The following LPIN2 variants were observed in gnomAD, a reference collection of about 807,000 sequenced individuals.
The protein encoded by LPIN2 is phosphatidate phosphatase LPIN2.
Under a neutral mutation model 111.4 loss-of-function variants are expected in LPIN2, and 55 were observed. That is an observed-to-expected ratio of 0.49 (90% confidence interval 0.40 to 0.62). The LOEUF is 0.62. Among genes scored for constraint, LPIN2 ranks in the 20% least tolerant of loss-of-function variants. The probability of loss-of-function intolerance (pLI) is 0.00; values close to 1 mark genes in which losing one functional copy is unlikely to be tolerated. For synonymous variants in LPIN2, 425 were observed against 414.0 expected (o/e 1.03, Z -0.32); for missense variants, 992 against 1,112.1 (o/e 0.89, Z 1.54).
chr18:2,969,436 G>C (rs1489266755), intron 1 of LPIN2, among the ~76,000 whole-genome samples: 1 of 152,154 alleles, frequency 6.6e-6, no homozygotes, highest in Non-Finnish European at 1.5e-5. Context: ...TGCTTTGGAG[G>C]ATCTGAGGTT....
intron 8 of LPIN2, among the ~76,000 whole-genome samples, chr18:2,934,142 A>C (rs1407087409): frequency 1.3e-5 from 2 of 152,232 alleles, no homozygotes; most frequent in Admixed American, 1.3e-4. Context: ...CATTGTATTG[A>C]AAATGTCTTC....
chr18:3,010,451 C>T (rs189240909), intron 1 of LPIN2, among the ~76,000 whole-genome samples: 14 of 152,120 alleles, frequency 9.2e-5, no homozygotes, highest in South Asian at 4.1e-4. Flanking sequence ...TGGTAGGTCA[C>T]GAGACTCTGG....
intron 9 of LPIN2, among the ~76,000 whole-genome samples, 192 bp from the exon 10 acceptor site, chr18:2,929,350 T>G (rs1420651730): frequency 6.6e-6 from 1 of 152,210 alleles, no homozygotes; most frequent in Non-Finnish European, 1.5e-5. Context: ...TTCTTTTCTA[T>G]TCTCCTTTTC....
rs112666021 is a variant in LPIN2, at chr18:2,980,800, TC to T, written c.-9-19952del. 4.4e-3 allele frequency among the ~76,000 whole-genome samples: 661 copies of T among 150,772 alleles called. 5 individuals are homozygous for T. The highest frequency in any genetic ancestry group is 0.016 in the African/African-American group (636 of 41,008). ...AAGAATGGTCAGGTGACCTCTAGAG[TC>T]CCCCCCCAGCTCTAAACTGCAGAAA... On this transcript the variant is annotated intron_variant, in intron 1 of 19. Coordinates refer to ENST00000677752, the MANE Select transcript of LPIN2 (RefSeq NM_001375808.2).
chr18:2,921,620 C>G lies in LPIN2; in HGVS notation c.2355G>C (p.Lys785Asn). The change falls in exon 18 of 20, where the codon AAG (lysine) becomes AAC (asparagine). Residue 785 changes from lysine (K) to asparagine (N), a missense_variant. Physicochemically the swap from Lys to Asn is moderately conservative, Grantham distance 94. This residue lies in a region of LPIN2 where 185 missense variants were observed against 186.5 expected (regional missense o/e 0.99). Transcript: ENST00000677752. Reference sequence around the variant, plus strand: ...TATCATTTAGACACTCAATTTTGAACTTCTCTGGTTTCTTTTCTATCACTT... The same window carrying G: ...TATCATTTAGACACTCAATTTTGAAGTTCTCTGGTTTCTTTTCTATCACTT... ...HREVIEKKPE[K>N]FKIECLNDIK... The G allele has an allele frequency of 6.2e-7, 1 of 1,613,282 alleles. No homozygotes were observed. The highest frequency in any genetic ancestry group is 1.1e-5 in the South Asian group (1 of 91,050).
chr18:3,010,804 C>G (rs1276256931), intron 1 of LPIN2, among the ~76,000 whole-genome samples: 1 of 152,074 alleles, frequency 6.6e-6, no homozygotes, highest in Non-Finnish European at 1.5e-5. Context: ...AATAAGTACC[C>G]AAGGCATAGA....
intron 8 of LPIN2, among the ~76,000 whole-genome samples, chr18:2,932,586 T>G (rs1271260287): frequency 6.6e-6 from 1 of 152,144 alleles, no homozygotes; most frequent in Non-Finnish European, 1.5e-5. Flanking sequence ...ATACTGGGAG[T>G]GAGGGGCAAG....
intron 4 of LPIN2, among the ~76,000 whole-genome samples, chr18:2,941,130 A>C (rs945228237): frequency 6.6e-6 from 1 of 152,202 alleles, no homozygotes; most frequent in African/African-American, 2.4e-5. Flanking sequence ...TTGGATTCAA[A>C]ACAAGTAAGC....
chr18:2,949,166 A>C (rs980630025), intron 4 of LPIN2, among the ~76,000 whole-genome samples: 5 of 152,198 alleles, frequency 3.3e-5, no homozygotes, highest in Non-Finnish European at 7.3e-5. Context: ...CTCATACTTT[A>C]TTCTCCTAGT....
At chr18:2,984,535 A>C (rs1267047751) in intron 1 of LPIN2, among the ~76,000 whole-genome samples, 1 of 152,126 alleles carries the variant, frequency 6.6e-6, no homozygotes, top group Non-Finnish European at 1.5e-5. Flanking sequence ...GTCAGCAAGA[A>C]GGGGAGGCTA....
intron 1 of LPIN2, among the ~76,000 whole-genome samples, chr18:2,973,306 GATCA>G (rs1225979039): frequency 6.6e-6 from 1 of 152,130 alleles, no homozygotes; most frequent in Non-Finnish European, 1.5e-5. Context: ...TCAAGATACA[GATCA>G]ATCAGACTGC....
chr18:2,920,733 C>T (rs754176593), intron 19 of LPIN2, 45 bp downstream of exon 19: 2 of 1,439,716 alleles, frequency 1.4e-6, no homozygotes, highest in East Asian at 2.3e-5. Flanking sequence ...CCCAACTGTA[C>T]CCCTGGCTGC....
intron 18 of LPIN2, 34 bp from the exon 19 acceptor site, chr18:2,920,915 G>A (rs373849042): frequency 6.3e-6 from 9 of 1,435,458 alleles, no homozygotes; most frequent in Non-Finnish European, 6.9e-6. Flanking sequence ...GTGATTCCAG[G>A]GAGGAGAATT....
Position 2,945,890 on chromosome 18 carries a change from C to A in LPIN2, c.590+5165G>T, listed in dbSNP as rs952792657. The A allele has an allele frequency of 2.8e-6, 4 of 1,432,228 alleles. No homozygotes were observed. In the African/African-American group the frequency reaches 5.7e-5, roughly 20 times the overall value. 88.7% of individuals were successfully genotyped at this position (1,432,228 alleles called of 1,614,324 possible). A position where few individuals can be genotyped will look rare whatever the true frequency, so the allele number is the denominator to read the frequency against. The stretch of plus-strand genomic sequence containing the variant: ...CTTTTTTCCCAGCATCTTTTTTAGT[C>A]CACATGTTTCTCTTTTGTACAGCCC... On this transcript the variant is annotated intron_variant, in intron 4 of 19. Transcript: ENST00000677752.
intron 1 of LPIN2, chr18:2,982,690 T>C (rs1383410381): frequency 2.3e-6 from 3 of 1,303,078 alleles, no homozygotes; most frequent in Non-Finnish European, 3.0e-6. Context: ...AGGGGACTTG[T>C]CATGGTAAAC....
At chr18:2,923,747 A>G in intron 16 of LPIN2, 28 bp downstream of exon 16, 2 of 1,579,010 alleles carry the variant, frequency 1.3e-6, no homozygotes, top group Non-Finnish European at 1.7e-6. Flanking sequence ...AGCTCACCAG[A>G]GCGAGTTAAC....
In LPIN2 at chr18:2,918,545, GATAA is replaced by G. The variant is rs1203460101; in HGVS notation, c.*1744_*1747del. 1.3e-5 allele frequency: 2 copies of G among 152,160 alleles called. No individual in the cohort carries two copies. The highest frequency in any genetic ancestry group is 1.3e-4 in the Admixed American group (2 of 15,282). 9.4% of individuals were successfully genotyped at this position (152,160 alleles called of 1,614,324 possible). Reference sequence around the variant, plus strand: ...AACCCAGGATCCCTAACCTACTGTAGATAAATAAACTCATTAAACAATTAGTCCT... The same window carrying G: ...AACCCAGGATCCCTAACCTACTGTAGATAAACTCATTAAACAATTAGTCCT... On this transcript the variant is annotated 3_prime_UTR_variant, in exon 20 of 20. Transcript: ENST00000677752.
At chr18:2,920,902 C>T (rs756060387) in intron 18 of LPIN2, 21 bp from the exon 19 acceptor site, 75 of 1,532,478 alleles carry the variant, frequency 4.9e-5, no homozygotes, top group South Asian at 5.6e-5. Flanking sequence ...AAATAGCAAG[C>T]GGGTGATTCC....
intron 1 of LPIN2, among the ~76,000 whole-genome samples, chr18:2,999,520 G>T (rs2143464534): frequency 6.6e-6 from 1 of 151,978 alleles, no homozygotes. Context: ...CAGGAGAATG[G>T]CATGGCCCGG....
Sources: allele counts gnomAD v4.1 joint callset (sites outside exome capture counted in the v4.1 genomes callset), GRCh38; gene constraint gnomAD v4.1.1; regional missense constraint gnomAD v4.1.1; transcripts MANE v1.5; gene names NCBI Gene and HGNC (gene_info 2026-07-23, HGNC 2026-07-21).